WWOX: variants seen among roughly 807,000 people sequenced by gnomAD.
WWOX encodes the protein WW domain containing oxidoreductase, also known as WW domain-containing oxidoreductase.
A neutral mutation model predicts 46.2 loss-of-function variants in WWOX; 69 were observed. That is an observed-to-expected ratio of 1.49 (90% CI 1.23 to 1.82). WWOX has a LOEUF of 1.82. WWOX is among the 40% of genes most tolerant of loss of function. The pLI, the probability that WWOX is intolerant of heterozygous loss-of-function variation, is 0.00. For missense variants in WWOX, 919 were observed against 542.6 expected (o/e 1.69, Z -6.89); for synonymous variants, 359 against 202.6 (o/e 1.77, Z -6.56).
intron 8 of WWOX, among the ~76,000 whole-genome samples, chr16:79,024,433 A>AT (rs531892558): frequency 8.6e-5 from 13 of 150,796 alleles, no homozygotes; most frequent in Admixed American, 2.0e-4. Context: ...TGATTTTTAA[A>AT]TTTTTTTTTC....
intron 8 of WWOX, among the ~76,000 whole-genome samples, chr16:78,933,284 C>G (rs972452270): frequency 6.6e-6 from 1 of 152,104 alleles, no homozygotes; most frequent in Non-Finnish European, 1.5e-5. Context: ...ACTAAAAATA[C>G]AAAAATTAGC....
At chr16:79,040,705 A>G (rs770489087) in intron 8 of WWOX, among the ~76,000 whole-genome samples, 1 of 152,084 alleles carries the variant, frequency 6.6e-6, no homozygotes, top group Non-Finnish European at 1.5e-5. Flanking sequence ...AAAGAGTCAC[A>G]GATCATTGGG....
chr16:79,124,095 C>A (rs2049698569), intron 8 of WWOX, among the ~76,000 whole-genome samples: 1 of 152,108 alleles, frequency 6.6e-6, no homozygotes, highest in South Asian at 2.1e-4. Flanking sequence ...GAAAGCCCTC[C>A]TGATTAACTA....
At chr16:79,003,605 G>C (rs1468482622) in intron 8 of WWOX, among the ~76,000 whole-genome samples, 1 of 152,148 alleles carries the variant, frequency 6.6e-6, no homozygotes, top group Non-Finnish European at 1.5e-5. Flanking sequence ...TGGCCTTGGA[G>C]AGTCTAGGAT....
At chr16:78,726,551 C>T (rs1047967047) in intron 8 of WWOX, among the ~76,000 whole-genome samples, 15 of 149,958 alleles carry the variant, frequency 1.0e-4, no homozygotes, top group Non-Finnish European at 1.5e-4. Flanking sequence ...ATTCAATACA[C>T]AGTAGTGCTT....
intron 8 of WWOX, among the ~76,000 whole-genome samples, chr16:79,089,387 A>C (rs1446982969): frequency 2.7e-5 from 4 of 149,478 alleles, no homozygotes; most frequent in African/African-American, 9.9e-5. Context: ...GCTGGAATGC[A>C]GTGGCATGAT....
rs191674385 is a variant in WWOX, at chr16:79,144,101, G to T, written c.1057-67507G>T. Among the ~76,000 whole-genome samples, 285 of 152,230 alleles carry T rather than the reference G, an allele frequency of 1.9e-3. 1 individual carries two copies. Among genetic ancestry groups the T allele is most frequent in the Middle Eastern group, 6.8e-3 (2 of 294 alleles). ...TTTGGTAGAGATGGAGTATTGCTATGTTGCCCAGGCTTGTCTTGAACTCCT... is the reference window on the plus strand; with the variant it reads ...TTTGGTAGAGATGGAGTATTGCTATTTTGCCCAGGCTTGTCTTGAACTCCT... On this transcript the variant is annotated intron_variant, in intron 8 of 8. Transcript: ENST00000566780.
intron 8 of WWOX, among the ~76,000 whole-genome samples, chr16:79,086,742 G>A (rs999651694): frequency 2.0e-5 from 3 of 152,172 alleles, no homozygotes; most frequent in Admixed American, 6.5e-5. Flanking sequence ...AATTAGCCAG[G>A]CATGGTGCTG....
intron 8 of WWOX, among the ~76,000 whole-genome samples, chr16:78,805,352 C>T (rs1284417607): frequency 1.3e-5 from 2 of 152,160 alleles, no homozygotes; most frequent in Non-Finnish European, 2.9e-5. Context: ...GCTCCGCCTC[C>T]CGGGTTCATG....
intron 8 of WWOX, among the ~76,000 whole-genome samples, chr16:78,914,909 C>T (rs971079803): frequency 1.3e-4 from 19 of 146,578 alleles, no homozygotes; most frequent in African/African-American, 3.5e-4. Context: ...AAAAAGGAAC[C>T]AGATGGCCCT....
chr16:78,405,429 G>A (rs1057099647), intron 6 of WWOX, among the ~76,000 whole-genome samples: 4 of 152,046 alleles, frequency 2.6e-5, no homozygotes, highest in Non-Finnish European at 5.9e-5. Flanking sequence ...GACATGTGAC[G>A]GTCCTTTCAA....
intron 5 of WWOX, among the ~76,000 whole-genome samples, chr16:78,198,482 A>C (rs924596804): frequency 2.6e-5 from 4 of 152,242 alleles, no homozygotes; most frequent in South Asian, 4.1e-4. Flanking sequence ...TCCTTCAATA[A>C]ATACTGATGG....
chr16:79,048,826 T>C (rs761785805), intron 8 of WWOX, among the ~76,000 whole-genome samples: 2 of 152,278 alleles, frequency 1.3e-5, no homozygotes, highest in African/African-American at 4.8e-5. Flanking sequence ...GTCACCAGCA[T>C]TGTAGCTGCC....
intron 8 of WWOX, among the ~76,000 whole-genome samples, chr16:79,011,278 C>G (rs1034500960): frequency 6.6e-6 from 1 of 151,438 alleles, no homozygotes; most frequent in African/African-American, 2.4e-5. Flanking sequence ...GCAACCATTT[C>G]ACATCCACAC....
At chr16:79,024,801 G>A (rs2047604821) in intron 8 of WWOX, among the ~76,000 whole-genome samples, 1 of 151,918 alleles carries the variant, frequency 6.6e-6, no homozygotes. Flanking sequence ...CAAAATCCTG[G>A]CCTCAAGCAA....
At chr16:78,775,823 A>G (rs866548686) in intron 8 of WWOX, among the ~76,000 whole-genome samples, 5 of 152,322 alleles carry the variant, frequency 3.3e-5, no homozygotes, top group Admixed American at 6.5e-5. Context: ...GACTGAATCT[A>G]TGAGTGAATG....
chr16:78,332,958 G>C (rs1280269170), intron 5 of WWOX, among the ~76,000 whole-genome samples: 1 of 150,794 alleles, frequency 6.6e-6, no homozygotes, highest in East Asian at 1.9e-4. Flanking sequence ...CTGTTGCTCA[G>C]AACCCTTGTA....
At chr16:78,819,144 C>T (rs1450922795) in intron 8 of WWOX, among the ~76,000 whole-genome samples, 1 of 152,248 alleles carries the variant, frequency 6.6e-6, no homozygotes, top group Non-Finnish European at 1.5e-5. Context: ...CAGTTGGCCA[C>T]TGCTGTTCAG....
intron 5 of WWOX, among the ~76,000 whole-genome samples, chr16:78,356,103 A>C (rs9940331): frequency 0.78 from 101,028 of 129,208 alleles, 40,652 homozygotes; most frequent in African/African-American, 0.84. Flanking sequence ...AGAAGAATCG[A>C]TTGAACCCGG....
Sources: allele counts gnomAD v4.1 joint callset (sites outside exome capture counted in the v4.1 genomes callset), GRCh38; gene constraint gnomAD v4.1.1; transcripts MANE v1.5; gene names NCBI Gene and HGNC (gene_info 2026-07-23, HGNC 2026-07-21).